Variants in DENND2A observed in about 807,000 individuals in gnomAD.
DENND2A encodes the protein DENN domain containing 2A.
DENND2A carries 53 observed loss-of-function variants against 105.3 expected under a neutral mutation model. The ratio of observed to expected loss-of-function variants is 0.50; its 90% CI spans 0.40 to 0.63. The LOEUF is 0.63. Ranked by LOEUF, DENND2A falls within the 30% of genes least tolerant of loss-of-function variation. DENND2A has a pLI of 0.00. For missense variants in DENND2A, 1,138 were observed against 1,279.6 expected (o/e 0.89, Z 1.69); for synonymous variants, 522 against 508.4 (o/e 1.03, Z -0.36).
chr7:140,601,261 C>T, intron 3 of DENND2A, 142 bp downstream of exon 3: 1 of 1,160,698 alleles, frequency 8.6e-7, no homozygotes, highest in South Asian at 2.0e-5. Flanking sequence ...AACAAAGTAT[C>T]TTAAGCTATG....
intron 11 of DENND2A, among the ~76,000 whole-genome samples, chr7:140,556,370 G>A (rs891653800): frequency 6.6e-6 from 1 of 151,734 alleles, no homozygotes; most frequent in Admixed American, 6.6e-5. Context: ...ACGGAGTCTT[G>A]CTCTGTTGTC....
intron 14 of DENND2A, among the ~76,000 whole-genome samples, chr7:140,535,765 A>G (rs1199612593): frequency 1.3e-5 from 2 of 151,928 alleles, no homozygotes. Context: ...TATTTTTAGT[A>G]CAGATGTGGT....
chr7:140,637,944 G>A (rs557938062), intron 1 of DENND2A, among the ~76,000 whole-genome samples: 139 of 152,206 alleles, frequency 9.1e-4, no homozygotes, highest in African/African-American at 3.1e-3. Flanking sequence ...GATTTCCCTG[G>A]CCCCATACTC....
At chr7:140,602,741 G>A (rs578126088) in intron 2 of DENND2A, among the ~76,000 whole-genome samples, 199 bp from the exon 3 acceptor site, 76 of 152,220 alleles carry the variant, frequency 5.0e-4, no homozygotes, top group African/African-American at 1.8e-3. Context: ...GGGAGGCTGA[G>A]GTGGGAGGAT....
chr7:140,606,797 C>A (rs1349572448), intron 1 of DENND2A, among the ~76,000 whole-genome samples: 1 of 152,236 alleles, frequency 6.6e-6, no homozygotes, highest in Non-Finnish European at 1.5e-5. Flanking sequence ...AGGCAGCAGC[C>A]TCAGCTCAGA....
chr7:140,568,883 G>T, intron 7 of DENND2A, 70 bp from the exon 8 acceptor site: 1 of 1,463,116 alleles, frequency 6.8e-7, no homozygotes, highest in African/African-American at 1.4e-5. Flanking sequence ...CTTTCTATGT[G>T]GTAGCACAGA....
intron 13 of DENND2A, 33 bp downstream of exon 13, chr7:140,546,766 C>T (rs1023180398): frequency 6.2e-7 from 1 of 1,611,140 alleles, no homozygotes; most frequent in African/African-American, 1.3e-5. Context: ...GCCACTGCCT[C>T]CCCAGGGAGA....
chr7:140,611,078 TC>T (rs1246397806), intron 1 of DENND2A, among the ~76,000 whole-genome samples: 1 of 152,116 alleles, frequency 6.6e-6, no homozygotes, highest in Non-Finnish European at 1.5e-5. Flanking sequence ...CGAGTTTCAC[TC>T]CTGTTGCCCA....
At chr7:140,603,463 A>C (rs953392588) in intron 2 of DENND2A, among the ~76,000 whole-genome samples, 24 of 152,236 alleles carry the variant, frequency 1.6e-4, no homozygotes, top group African/African-American at 5.3e-4. Context: ...GTCTGATTCA[A>C]GTGGGCAAAG....
chr7:140,553,130 G>A (rs1003868268), intron 12 of DENND2A, among the ~76,000 whole-genome samples: 26 of 152,088 alleles, frequency 1.7e-4, no homozygotes, highest in African/African-American at 3.9e-4. Flanking sequence ...GGAGGATCCC[G>A]CCAGCCTCTG....
intron 16 of DENND2A, among the ~76,000 whole-genome samples, chr7:140,524,312 G>C (rs1040628158): frequency 2.0e-5 from 3 of 152,206 alleles, no homozygotes; most frequent in Middle Eastern, 3.2e-3. Flanking sequence ...TCTGATAGAA[G>C]TTAGGCCTCT....
Position 140,559,799 on chromosome 7 carries a change from A to T in DENND2A, c.1798T>A (p.Phe600Ile), listed in dbSNP as rs1797541513. 1.9e-6 allele frequency: 3 copies of T among 1,613,800 alleles called. No homozygotes were observed. Among genetic ancestry groups the T allele is most frequent in the Non-Finnish European group, 2.5e-6 (3 of 1,179,800 alleles). The part of the protein sequence containing the change: ...FPLKLERSFK[F>I]MREAEDQLKA... Reference sequence around the variant, plus strand: ...AGTTGGTCCTCAGCTTCTCTCATGAACTTGAAAGACCTTTCCAACTGCAGG... The same window carrying T: ...AGTTGGTCCTCAGCTTCTCTCATGATCTTGAAAGACCTTTCCAACTGCAGG... The change falls in exon 10 of 20, where the codon TTC (phenylalanine) becomes ATC (isoleucine). Residue 600 changes from phenylalanine (F) to isoleucine (I), a missense_variant. Coordinates refer to ENST00000496613, the MANE Select transcript of DENND2A (RefSeq NM_015689.5). The surrounding 1 kb of genome is among the most constrained non-coding windows in gnomAD (Gnocchi z 4.1).
chr7:140,606,100 G>A (rs1357550357), intron 1 of DENND2A, among the ~76,000 whole-genome samples: 1 of 152,134 alleles, frequency 6.6e-6, no homozygotes, highest in Non-Finnish European at 1.5e-5. Flanking sequence ...GAATGCAGTG[G>A]CATGCTCTTG....
chr7:140,565,583 T>C (rs1006627919), intron 9 of DENND2A, among the ~76,000 whole-genome samples: 32 of 152,180 alleles, frequency 2.1e-4, no homozygotes, highest in African/African-American at 7.7e-4. Context: ...TAAGTGCCAT[T>C]TTATTTATTT....
intron 10 of DENND2A, among the ~76,000 whole-genome samples, chr7:140,558,910 C>T (rs1273159551): frequency 2.0e-5 from 3 of 150,978 alleles, no homozygotes; most frequent in Non-Finnish European, 2.9e-5. Context: ...TCAAGCGATT[C>T]TCCTGCCCCA....
At chr7:140,607,286 A>T (rs1048498067) in intron 1 of DENND2A, among the ~76,000 whole-genome samples, 1 of 152,186 alleles carries the variant, frequency 6.6e-6, no homozygotes, top group African/African-American at 2.4e-5. Flanking sequence ...GCTCTTGGGA[A>T]CAAGGAGAGG....
chr7:140,591,276 A>T (rs112349892), intron 3 of DENND2A, among the ~76,000 whole-genome samples: 5,503 of 152,192 alleles, frequency 0.036, 180 homozygotes, highest in African/African-American at 0.093. Context: ...CAGCCACTGC[A>T]CTCTCACTCA....
chr7:140,612,333 G>A (rs1343926945), intron 1 of DENND2A, among the ~76,000 whole-genome samples: 1 of 152,022 alleles, frequency 6.6e-6, no homozygotes, highest in African/African-American at 2.4e-5. Context: ...TATATTCCGT[G>A]AAAAAAATAA....
chr7:140,581,926 G>A (rs1798562422), intron 5 of DENND2A, among the ~76,000 whole-genome samples: 1 of 152,032 alleles, frequency 6.6e-6, no homozygotes, highest in Non-Finnish European at 1.5e-5. Flanking sequence ...CTGGTATCAG[G>A]GAGGAGCGTT....
Sources: allele counts gnomAD v4.1 joint callset (sites outside exome capture counted in the v4.1 genomes callset), GRCh38; gene constraint gnomAD v4.1.1; non-coding constraint Gnocchi (gnomAD v3.1); transcripts MANE v1.5; gene names NCBI Gene and HGNC (gene_info 2026-07-23, HGNC 2026-07-21).